ATM: variants seen among roughly 807,000 people sequenced by gnomAD.
ATM encodes ATM serine/threonine kinase, also known as serine-protein kinase ATM.
ATM carries 308 observed loss-of-function variants against 387.0 expected under a neutral mutation model. That is an observed-to-expected ratio of 0.80 (90% confidence interval 0.73 to 0.87). ATM has a LOEUF of 0.87. Among genes scored for constraint, ATM ranks in the 40% least tolerant of loss-of-function variants. The pLI, the probability that ATM is intolerant of heterozygous loss-of-function variation, is 0.00. For synonymous variants in ATM, 1,156 were observed against 1,187.3 expected, an observed-to-expected ratio of 0.97 and a Z score of 0.54; for missense variants, 3,312 against 3,560.9, an observed-to-expected ratio of 0.93 and a Z score of 1.78.
intron 36 of ATM, among the ~76,000 whole-genome samples, chr11:108,304,261 T>G (rs1312670694): frequency 6.6e-6 from 1 of 152,202 alleles, no homozygotes; most frequent in African/African-American, 2.4e-5. Context: ...AAAATCAGAT[T>G]TCCAACTTTT....
At chr11:108,346,154 T>C (rs1201082492) in intron 58 of ATM, among the ~76,000 whole-genome samples, 1 of 152,024 alleles carries the variant, frequency 6.6e-6, no homozygotes, top group African/African-American at 2.4e-5. Context: ...AAAGACAGGG[T>C]TTTCTTCTTT....
intron 13 of ATM, 104 bp from the exon 14 acceptor site, chr11:108,256,111 A>G: frequency 9.1e-7 from 1 of 1,102,250 alleles, no homozygotes; most frequent in Non-Finnish European, 1.2e-6. Flanking sequence ...CAGTTAACTG[A>G]ACTTTTGTTT....
At chr11:108,326,266 T>G in intron 47 of ATM, 41 bp downstream of exon 47, 1 of 1,609,820 alleles carries the variant, frequency 6.2e-7, no homozygotes, top group African/African-American at 1.3e-5. Flanking sequence ...TTTACTGTTA[T>G]TTAAAAAAAC....
At chr11:108,337,570 C>T (rs1004246074) in intron 56 of ATM, among the ~76,000 whole-genome samples, 2 of 152,154 alleles carry the variant, frequency 1.3e-5, no homozygotes, top group African/African-American at 4.8e-5. Flanking sequence ...TAGCAAGATA[C>T]CAGTTATGTT....
At chr11:108,352,834 T>G (rs1251040869) in intron 59 of ATM, among the ~76,000 whole-genome samples, 1 of 152,226 alleles carries the variant, frequency 6.6e-6, no homozygotes, top group African/African-American at 2.4e-5. Context: ...TGTATGATTA[T>G]TCCACTTCCA....
chr11:108,253,234 C>G (rs1363927259), intron 12 of ATM, among the ~76,000 whole-genome samples: 1 of 152,114 alleles, frequency 6.6e-6, no homozygotes, highest in African/African-American at 2.4e-5. Context: ...TTACCCATTT[C>G]TGTACATCAA....
intron 38 of ATM, among the ~76,000 whole-genome samples, chr11:108,309,688 C>T (rs1165695979): frequency 4.6e-5 from 7 of 152,134 alleles, no homozygotes; most frequent in Admixed American, 3.9e-4. Flanking sequence ...AGTAACTCAA[C>T]CTAGGCAATA....
In ATM at chr11:108,244,665, A is replaced by AGTTTTAAT. The variant is rs2079742553; in HGVS notation, c.663-122_663-121insTTTTAATG. The AGTTTTAAT allele has an allele frequency of 9.8e-6, 8 of 813,346 alleles. No individual in the cohort carries two copies. In the East Asian group the frequency reaches 1.9e-4, roughly 20 times the overall value. The allele number at this position is 813,346 out of a possible 1,614,324, so 50.4% of individuals were successfully genotyped here. A position where few individuals can be genotyped will look rare whatever the true frequency, so the allele number is the denominator to read the frequency against. On this transcript the variant is annotated intron_variant, in intron 6 of 62. Transcript: ENST00000675843. ...TTTTTAATGAATAGTTTTGAAATTA[A>AGTTTTAAT]GACTACTGTTTGAAAATTAGGGTTT...
chr11:108,300,768 G>C (rs2083386016), intron 34 of ATM, among the ~76,000 whole-genome samples: 1 of 151,356 alleles, frequency 6.6e-6, no homozygotes, highest in Admixed American at 6.6e-5. Context: ...TAATTTTATA[G>C]TAAACACCCA....
intron 16 of ATM, among the ~76,000 whole-genome samples, chr11:108,265,612 C>G (rs899174420): frequency 4.7e-5 from 7 of 150,296 alleles, no homozygotes; most frequent in African/African-American, 1.5e-4. Context: ...GCAATGGCAA[C>G]AAAAGACAGA....
At chr11:108,277,660 C>T (rs565537982) in intron 22 of ATM, among the ~76,000 whole-genome samples, 141 of 152,252 alleles carry the variant, frequency 9.3e-4, no homozygotes, top group Non-Finnish European at 1.5e-3. Flanking sequence ...TTGTGCTTCC[C>T]GGGTGAGGCT....
rs1555096895 is a variant in ATM at position 108,289,023 on chromosome 11, A to G, written c.4156A>G (p.Ile1386Val). The G allele has an allele frequency of 6.2e-7, 1 of 1,613,558 alleles. No individual in the cohort carries two copies. The highest frequency in any genetic ancestry group is 1.3e-5 in the African/African-American group (1 of 75,030). Residue 1386 changes from isoleucine (I) to valine (V), a missense_variant, in exon 28 of 63, where the codon ATT (isoleucine) becomes GTT (valine). Physicochemically the swap from Ile to Val is conservative, Grantham distance 29. This residue lies in a region of ATM where 1,791 missense variants were observed against 1,804.5 expected (regional missense o/e 0.99). Coordinates refer to ENST00000675843, the MANE Select transcript of ATM (RefSeq NM_000051.4). Reference protein sequence around the residue: ...PNPPHFPSHVIKATFAYISNC... With the variant: ...PNPPHFPSHVVKATFAYISNC... ...TCCACCTCATTTTCCATCGCATGTG[A>G]TTAAAGCAACATTTGCCTATATCAG...
rs2086837891 is a variant in ATM at position 108,336,232 on chromosome 11, G to A, written c.8268+271G>A. 20 of 376,106 alleles carry A rather than the reference G, an allele frequency of 5.3e-5. 1 individual carries two copies. Among genetic ancestry groups the A allele is most frequent in the South Asian group, 4.3e-4 (18 of 41,562 alleles). 23.3% of individuals were successfully genotyped at this position (376,106 alleles called of 1,614,324 possible). On this transcript the variant is annotated intron_variant, in intron 56 of 62. Coordinates refer to ENST00000675843, the MANE Select transcript of ATM (RefSeq NM_000051.4). ...AGGTGGGAGGATCACTTGAGTCCAG[G>A]AGTTTGAGGCTGCAGTGAGCTCAAA... is the stretch of plus-strand genomic sequence containing the variant.
chr11:108,318,463 A>G (rs932251030), intron 43 of ATM, among the ~76,000 whole-genome samples: 2 of 151,968 alleles, frequency 1.3e-5, no homozygotes, highest in East Asian at 3.9e-4. Flanking sequence ...GCTGAGGCAG[A>G]TGGATCACTT....
intron 61 of ATM, among the ~76,000 whole-genome samples, chr11:108,357,667 AC>A (rs1388103349): frequency 1.3e-5 from 2 of 151,724 alleles, no homozygotes; most frequent in South Asian, 2.1e-4. Flanking sequence ...ACTGGGAGGC[AC>A]CCCCCAGCAG....
intron 5 of ATM, among the ~76,000 whole-genome samples, chr11:108,242,082 A>G (rs2079591673): frequency 6.6e-6 from 1 of 152,014 alleles, no homozygotes. Context: ...CCAGGAGTCC[A>G]AATCTAGCCT....
chr11:108,284,560 T>C, intron 26 of ATM, 87 bp downstream of exon 26: 1 of 1,545,488 alleles, frequency 6.5e-7, no homozygotes, highest in Non-Finnish European at 8.9e-7. Flanking sequence ...TTCGATTTAT[T>C]CGTATTTATA....
intron 15 of ATM, 67 bp downstream of exon 15, chr11:108,257,673 GC>G: frequency 6.7e-7 from 1 of 1,492,520 alleles, no homozygotes; most frequent in Non-Finnish European, 9.2e-7. Context: ...AGGCTGGAGT[GC>G]AGTGGGATTG....
rs552787980 is a variant in ATM at position 108,332,185 on chromosome 11, T to G, written c.7788+148T>G. On this transcript the variant is annotated intron_variant, in intron 52 of 62. Transcript: ENST00000675843. ...GCTCACGCCTGTAATCCCAGCACTTTGGGAGGCTGAGGCGGGTGGATTACT... is the reference window on the plus strand; with the variant it reads ...GCTCACGCCTGTAATCCCAGCACTTGGGGAGGCTGAGGCGGGTGGATTACT... 1.5e-5 allele frequency: 16 copies of G among 1,045,074 alleles called. No individual in the cohort carries two copies. The East Asian group carries it at 3.9e-4, about 26-fold the overall frequency. The allele number at this position is 1,045,074 out of a possible 1,614,324, so 64.7% of individuals were successfully genotyped here. A position where few individuals can be genotyped will look rare whatever the true frequency, so the allele number is the denominator to read the frequency against.
Sources: gnomAD v4.1 joint callset for allele counts (sites outside exome capture counted in the v4.1 genomes callset) on GRCh38, gnomAD v4.1.1 for gene constraint, gnomAD v4.1.1 regional missense constraint, MANE v1.5 for transcripts, NCBI Gene and HGNC (gene_info 2026-07-23, HGNC 2026-07-21) for gene names.